TLE1: variants seen among roughly 807,000 people sequenced by gnomAD.
TLE1 encodes the protein TLE family member 1, transcriptional corepressor.
A neutral mutation model predicts 89.8 loss-of-function variants in TLE1; 21 were observed. That is an observed-to-expected ratio of 0.23 (90% confidence interval 0.17 to 0.34). The LOEUF is 0.34. Ranked by LOEUF, TLE1 falls within the 10% of genes least tolerant of loss-of-function variation. TLE1 has a pLI of 1.00. For missense variants in TLE1, 795 were observed against 1,031.2 expected (o/e 0.77, Z 3.14); for synonymous variants, 447 against 407.6 (o/e 1.10, Z -1.16).
intron 4 of TLE1, among the ~76,000 whole-genome samples, chr9:81,679,725 G>C (rs1278933141): frequency 3.3e-5 from 5 of 152,224 alleles, no homozygotes; most frequent in Admixed American, 6.5e-5. Flanking sequence ...CTAGTTGTGA[G>C]AATTTCCATT....
chr9:81,617,701 C>T (rs1307677958), intron 9 of TLE1, among the ~76,000 whole-genome samples: 1 of 151,660 alleles, frequency 6.6e-6, no homozygotes, highest in Non-Finnish European at 1.5e-5. Flanking sequence ...GACTCTGTCA[C>T]AAAAAAATAA....
chr9:81,585,805 A>G, intron 17 of TLE1, 150 bp from the exon 18 acceptor site: 1 of 884,144 alleles, frequency 1.1e-6, no homozygotes, highest in Non-Finnish European at 1.7e-6. Flanking sequence ...AAGTGATCTA[A>G]CGCAGATGAA....
intron 8 of TLE1, among the ~76,000 whole-genome samples, chr9:81,626,444 C>T (rs1055877950): frequency 2.0e-5 from 3 of 152,148 alleles, no homozygotes; most frequent in Middle Eastern, 3.2e-3. Context: ...TGGTCATTCA[C>T]GTACTCTGCC....
chr9:81,585,021 A>G (rs948593760), intron 18 of TLE1, among the ~76,000 whole-genome samples: 5 of 150,296 alleles, frequency 3.3e-5, no homozygotes, highest in African/African-American at 7.5e-5. Flanking sequence ...CTGTGAACAG[A>G]TATCTGCCCA....
At chr9:81,682,962 AG>A (rs1344757947) in intron 4 of TLE1, among the ~76,000 whole-genome samples, 6 of 152,372 alleles carry the variant, frequency 3.9e-5, no homozygotes, top group South Asian at 4.1e-4. Flanking sequence ...AAGGCTTATC[AG>A]GAAGTGTTGA....
chr9:81,658,377 T>C (rs1396949326), intron 4 of TLE1, among the ~76,000 whole-genome samples: 1 of 152,132 alleles, frequency 6.6e-6, no homozygotes, highest in Non-Finnish European at 1.5e-5. Context: ...AAGCTCAAAC[T>C]GATGAAAAAC....
intron 14 of TLE1, among the ~76,000 whole-genome samples, chr9:81,609,101 T>C (rs1322197257): frequency 6.6e-6 from 1 of 152,024 alleles, no homozygotes; most frequent in Non-Finnish European, 1.5e-5. Context: ...CCTTTCCTTT[T>C]TGAGACAGAG....
chr9:81,684,755 A>C (rs1356377536), intron 4 of TLE1, among the ~76,000 whole-genome samples: 2 of 152,194 alleles, frequency 1.3e-5, no homozygotes, highest in Non-Finnish European at 2.9e-5. Context: ...TTTAAGAGGC[A>C]ATCGATTTCT....
intron 19 of TLE1, 26 bp downstream of exon 19, chr9:81,584,422 G>T (rs1308815123): frequency 2.5e-6 from 4 of 1,613,342 alleles, no homozygotes; most frequent in Non-Finnish European, 3.4e-6. Context: ...TCAAACTGTG[G>T]ATCTAGGTGA....
At chr9:81,603,770 G>C (rs1163060491) in intron 14 of TLE1, among the ~76,000 whole-genome samples, 1 of 152,224 alleles carries the variant, frequency 6.6e-6, no homozygotes, top group Non-Finnish European at 1.5e-5. Flanking sequence ...GGGAGGCCAA[G>C]GTGGGTGGAT....
chr9:81,613,401 T>C lies in TLE1; in HGVS notation c.1039A>G (p.Ile347Val). 2 of 1,614,086 alleles carry C rather than the reference T, an allele frequency of 1.2e-6. No individual in the cohort carries two copies. The highest frequency in any genetic ancestry group is 1.7e-6 in the Non-Finnish European group (2 of 1,179,956). Residue 347 changes from isoleucine to valine, a missense_variant, in exon 12 of 20, where the codon ATA (isoleucine) becomes GTA (valine). Physicochemically the swap from Ile to Val is conservative, Grantham distance 29. This residue lies in a region of TLE1 where 468 missense variants were observed against 509.1 expected (regional missense o/e 0.92). Transcript: ENST00000376499. Reference protein sequence around the residue: ...LRPGLGKPPAIDPLVNQAAAG... With the variant: ...LRPGLGKPPAVDPLVNQAAAG... ...CCCGCTTGGTTAACGAGGGGGTCTA[T>C]GGCTGGAGGCTTGCCGAGACCTGGA...
At chr9:81,666,293 GCAAGCAAGCCTCTCCCTGGGCCACACCC>G (rs1296451383) in intron 4 of TLE1, among the ~76,000 whole-genome samples, 1 of 152,094 alleles carries the variant, frequency 6.6e-6, no homozygotes, top group Non-Finnish European at 1.5e-5. Flanking sequence ...CCTGTGGAAA[GCAAGCAAGCCTCTCCCTGGGCCACACCC>G]CAAGCAAGCC....
intron 14 of TLE1, among the ~76,000 whole-genome samples, chr9:81,596,319 A>G (rs1830204920): frequency 6.6e-6 from 1 of 152,170 alleles, no homozygotes; most frequent in Admixed American, 6.5e-5. Flanking sequence ...GGATGTTAAT[A>G]CATCAGTCAC....
chr9:81,622,986 C>T (rs1453558022), intron 8 of TLE1, among the ~76,000 whole-genome samples: 1 of 152,188 alleles, frequency 6.6e-6, no homozygotes, highest in Non-Finnish European at 1.5e-5. Context: ...ACCCAGTTTT[C>T]TGTGTATAAT....
rs1834645947 is a variant in TLE1 at position 81,688,334 on chromosome 9, G to C, written c.-94C>G. On this transcript the variant is annotated 5_prime_UTR_variant, in exon 1 of 20. Transcript: ENST00000376499. ...CCGCCGAGGAAAATTAAGCCGGAAA[G>C]CCAAGCAGAAGCGGGGAGCGCGCTG... is the stretch of plus-strand genomic sequence containing the variant. 3.7e-6 allele frequency: 5 copies of C among 1,362,946 alleles called. No homozygotes were observed. Among genetic ancestry groups the C allele is most frequent in the Admixed American group, 3.6e-5 (1 of 27,830 alleles). 84.4% of individuals were successfully genotyped at this position (1,362,946 alleles called of 1,614,324 possible).
At chr9:81,634,395 A>T (rs1827110003) in intron 6 of TLE1, 94 bp from the exon 7 acceptor site, 1 of 1,068,526 alleles carries the variant, frequency 9.4e-7, no homozygotes, top group Non-Finnish European at 1.3e-6. Context: ...GGGAAAACAG[A>T]CATGACAGGA....
intron 8 of TLE1, among the ~76,000 whole-genome samples, chr9:81,632,606 T>A (rs1251036723): frequency 6.6e-6 from 1 of 151,870 alleles, no homozygotes; most frequent in African/African-American, 2.4e-5. Flanking sequence ...CTACACAACA[T>A]TTGAGACACA....
chr9:81,647,657 A>G (rs1191146390), intron 6 of TLE1, among the ~76,000 whole-genome samples: 1 of 152,164 alleles, frequency 6.6e-6, no homozygotes, highest in Non-Finnish European at 1.5e-5. Context: ...AGGAGTCAGG[A>G]CCACATGTTC....
chr9:81,608,999 CA>C (rs1219547703), intron 14 of TLE1, among the ~76,000 whole-genome samples: 1 of 151,902 alleles, frequency 6.6e-6, no homozygotes, highest in Non-Finnish European at 1.5e-5. Context: ...ACAACATTTG[CA>C]AAGATCTGCT....
Sources: gnomAD v4.1 joint callset for allele counts (sites outside exome capture counted in the v4.1 genomes callset) on GRCh38, gnomAD v4.1.1 for gene constraint, gnomAD v4.1.1 regional missense constraint, MANE v1.5 for transcripts, NCBI Gene and HGNC (gene_info 2026-07-23, HGNC 2026-07-21) for gene names.